MEOX2: variants seen among roughly 807,000 people sequenced by gnomAD.
MEOX2 encodes homeobox protein MOX-2.
In MEOX2, 11 loss-of-function variants were observed where a neutral mutation model predicts 27.0. The ratio of observed to expected loss-of-function variants is 0.41; its 90% CI spans 0.26 to 0.68. The LOEUF (loss-of-function observed/expected upper bound fraction) is 0.68, where lower values mean the gene tolerates loss of function less well. Ranked by LOEUF, MEOX2 falls within the 30% of genes least tolerant of loss-of-function variation. MEOX2 has a pLI of 0.33. For synonymous variants in MEOX2, 189 were observed against 155.4 expected, an observed-to-expected ratio of 1.22 and a Z score of -1.61; for missense variants, 436 against 385.4, an observed-to-expected ratio of 1.13 and a Z score of -1.10.
At chr7:15,679,333 T>A (rs757034506) in intron 1 of MEOX2, 1 of 152,080 alleles carries the variant, frequency 6.6e-6, no homozygotes, top group Non-Finnish European at 1.5e-5. Context: ...GCCATTGTCC[T>A]CTCTACTAGA....
intron 1 of MEOX2, among the ~76,000 whole-genome samples, chr7:15,634,910 C>T (rs1421591711): frequency 6.6e-6 from 1 of 151,922 alleles, no homozygotes; most frequent in African/African-American, 2.4e-5. Flanking sequence ...TATGGCATCA[C>T]CATAGAAATT....
chr7:15,662,020 G>GC (rs1781926899), intron 1 of MEOX2, among the ~76,000 whole-genome samples: 1 of 151,840 alleles, frequency 6.6e-6, no homozygotes, highest in African/African-American at 2.4e-5. Flanking sequence ...TTCATCTGAA[G>GC]CAAGTCCATC....
At chr7:15,620,554 C>T (rs182582773) in intron 2 of MEOX2, among the ~76,000 whole-genome samples, 1 of 149,904 alleles carries the variant, frequency 6.7e-6, no homozygotes, top group East Asian at 2.0e-4. Flanking sequence ...GCCTGGGTGA[C>T]AAACAACAAC....
chr7:15,666,848 G>C (rs1221830352), intron 1 of MEOX2, among the ~76,000 whole-genome samples: 2 of 141,262 alleles, frequency 1.4e-5, no homozygotes, highest in African/African-American at 2.7e-5. Flanking sequence ...GAATATCCTA[G>C]GAATAGATTT....
At chr7:15,641,050 G>A (rs1781552149) in intron 1 of MEOX2, among the ~76,000 whole-genome samples, 1 of 152,044 alleles carries the variant, frequency 6.6e-6, no homozygotes, top group South Asian at 2.1e-4. Context: ...AGTTAGGAAG[G>A]AAACTCTCCT....
intron 1 of MEOX2, among the ~76,000 whole-genome samples, chr7:15,660,991 C>A (rs1213759864): frequency 1.9e-5 from 2 of 103,662 alleles, no homozygotes; most frequent in African/African-American, 7.6e-5. Context: ...CCAGCCTTGG[C>A]AACAGAGCGA....
intron 1 of MEOX2, among the ~76,000 whole-genome samples, chr7:15,649,600 A>G (rs1781705303): frequency 6.6e-6 from 1 of 152,116 alleles, no homozygotes; most frequent in African/African-American, 2.4e-5. Context: ...CTGACTAGTC[A>G]GTGCAGGAAA....
intron 1 of MEOX2, among the ~76,000 whole-genome samples, chr7:15,639,917 T>C (rs1781534212): frequency 6.6e-6 from 1 of 152,092 alleles, no homozygotes. Context: ...TTGTTTGCTT[T>C]TGTTTTTTGT....
chr7:15,636,953 A>G (rs1385847704), intron 1 of MEOX2, among the ~76,000 whole-genome samples: 1 of 152,006 alleles, frequency 6.6e-6, no homozygotes, highest in Non-Finnish European at 1.5e-5. Flanking sequence ...AACACCTCCC[A>G]AAAGGCCTCA....
chr7:15,675,654 C>T (rs1476348158), intron 1 of MEOX2, among the ~76,000 whole-genome samples: 1 of 152,152 alleles, frequency 6.6e-6, no homozygotes, highest in Non-Finnish European at 1.5e-5. Context: ...TGCCTTGAGG[C>T]TCTTCTAGTG....
At chr7:15,655,959 A>C (rs1313977169) in intron 1 of MEOX2, among the ~76,000 whole-genome samples, 5 of 151,800 alleles carry the variant, frequency 3.3e-5, no homozygotes, top group African/African-American at 1.2e-4. Flanking sequence ...AAAATCTCCA[A>C]CTATAATAAT....
intron 2 of MEOX2, among the ~76,000 whole-genome samples, chr7:15,614,848 A>C (rs1781097761): frequency 6.6e-6 from 1 of 152,152 alleles, no homozygotes; most frequent in South Asian, 2.1e-4. Context: ...AAAATATATT[A>C]AATTTCCAAA....
intron 1 of MEOX2, among the ~76,000 whole-genome samples, chr7:15,662,588 G>A (rs368067006): frequency 1.3e-5 from 2 of 151,988 alleles, no homozygotes; most frequent in African/African-American, 4.8e-5. Flanking sequence ...ATTTTTCAAG[G>A]TTGAGTAATG....
chr7:15,685,354 A>T (rs1782361095), intron 1 of MEOX2, among the ~76,000 whole-genome samples: 2 of 109,928 alleles, frequency 1.8e-5, no homozygotes, highest in Non-Finnish European at 4.0e-5. Context: ...TAAGAATGTT[A>T]AAAAAAAAAA....
At chr7:15,685,435 G>A (rs1782363223) in intron 1 of MEOX2, among the ~76,000 whole-genome samples, 2 of 152,154 alleles carry the variant, frequency 1.3e-5, no homozygotes, top group African/African-American at 2.4e-5. Flanking sequence ...CAATAATTTG[G>A]AAATCCAGTT....
chr7:15,645,526 T>C (rs1485705288), intron 1 of MEOX2, among the ~76,000 whole-genome samples: 1 of 152,204 alleles, frequency 6.6e-6, no homozygotes, highest in Non-Finnish European at 1.5e-5. Context: ...AAGATGGATG[T>C]TGGAATTATT....
At chr7:15,613,535 T>C (rs1443621483) in intron 2 of MEOX2, among the ~76,000 whole-genome samples, 1 of 152,042 alleles carries the variant, frequency 6.6e-6, no homozygotes, top group African/African-American at 2.4e-5. Flanking sequence ...GCAAGCAAAG[T>C]GTTCTTTTTA....
intron 2 of MEOX2, among the ~76,000 whole-genome samples, chr7:15,624,986 T>C (rs1781277311): frequency 6.6e-6 from 1 of 152,168 alleles, no homozygotes; most frequent in East Asian, 1.9e-4. Context: ...TAAAGATAAA[T>C]GATTCTGCTC....
intron 1 of MEOX2, among the ~76,000 whole-genome samples, chr7:15,674,018 A>G (rs1472003412): frequency 6.6e-6 from 1 of 152,138 alleles, no homozygotes; most frequent in Non-Finnish European, 1.5e-5. Flanking sequence ...GATGATAGAC[A>G]GATAGATATA....
Sources: allele counts gnomAD v4.1 joint callset (sites outside exome capture counted in the v4.1 genomes callset), GRCh38; gene constraint gnomAD v4.1.1; transcripts MANE v1.5; gene names NCBI Gene and HGNC (gene_info 2026-07-23, HGNC 2026-07-21).